VPS36: variants seen among roughly 807,000 people sequenced by gnomAD.
VPS36 encodes vacuolar protein-sorting-associated protein 36.
Under a neutral mutation model 63.5 loss-of-function variants are expected in VPS36, and 31 were observed. The ratio of observed to expected loss-of-function variants is 0.49; its 90% CI spans 0.37 to 0.66. The LOEUF is 0.66. VPS36 is among the 30% of genes least tolerant of loss of function. The probability of loss-of-function intolerance (pLI) is 0.00; values close to 1 mark genes in which losing one functional copy is unlikely to be tolerated. For synonymous variants in VPS36, 138 were observed against 157.2 expected (o/e 0.88, Z 0.91); for missense variants, 338 against 463.7 (o/e 0.73, Z 2.49).
chr13:52,444,823 A>T (rs1421196474), intron 1 of VPS36, among the ~76,000 whole-genome samples: 1 of 152,050 alleles, frequency 6.6e-6, no homozygotes, highest in Non-Finnish European at 1.5e-5. Context: ...CAACTTTGTT[A>T]CATGTCTAAT....
At position 52,415,881 on chromosome 13, in the gene VPS36, G is replaced by A. The variant is rs141956563; in HGVS notation, c.1110C>T (p.Asp370=). The part of the protein sequence containing the change: ...AEKMGHLCRD[D]SVEGLRFYPN... The stretch of plus-strand genomic sequence containing the variant: ...GGTAAAAACGCAGGCCTTCCACTGA[G>A]TCATCACGGCAAAGATGGCCCATCT... The change falls in exon 14 of 14, where the codon GAC becomes GAT. Residue 370 remains aspartate, a synonymous_variant. Coordinates refer to ENST00000378060, the MANE Select transcript of VPS36 (RefSeq NM_016075.4). 2 of 1,613,820 alleles carry A rather than the reference G, an allele frequency of 1.2e-6. No homozygotes were observed. Among genetic ancestry groups the A allele is most frequent in the African/African-American group, 2.7e-5 (2 of 74,834 alleles).
At chr13:52,431,781 A>T (rs889967792) in intron 6 of VPS36, among the ~76,000 whole-genome samples, 5 of 150,878 alleles carry the variant, frequency 3.3e-5, no homozygotes, top group Non-Finnish European at 7.4e-5. Flanking sequence ...AAAAAAAAAA[A>T]AGAAAGAAAG....
rs574052898 is a variant in VPS36 at position 52,418,552 on chromosome 13, C to T, written c.841-496G>A. Among the ~76,000 whole-genome samples, 264 of 112,854 alleles carry T rather than the reference C, an allele frequency of 2.3e-3. 1 individual carries two copies. Among genetic ancestry groups the T allele is most frequent in the African/African-American group, 8.4e-3 (239 of 28,610 alleles). The allele number at this position is 112,854 out of a possible 152,430, so 74.0% of individuals were successfully genotyped here. A position where few individuals can be genotyped will look rare whatever the true frequency, so the allele number is the denominator to read the frequency against. On this transcript the variant is annotated intron_variant, in intron 10 of 13. Transcript: ENST00000378060. ...ATCGCACCATGCATTCTAGCCTGGG[C>T]GATAGTGCGAGACTCCATCTCAAAA... is the stretch of plus-strand genomic sequence containing the variant.
intron 6 of VPS36, among the ~76,000 whole-genome samples, chr13:52,431,094 C>T (rs567933136): frequency 6.6e-6 from 1 of 152,130 alleles, no homozygotes; most frequent in South Asian, 2.1e-4. Context: ...CCACAGAGAG[C>T]TCAGCATAAG....
In VPS36 at chr13:52,416,132, T is replaced by G. The variant is rs781049589; in HGVS notation, c.991-39A>C. On this transcript the variant is annotated intron_variant, in intron 12 of 13. Transcript: ENST00000378060. The stretch of plus-strand genomic sequence containing the variant: ...ACAGCAGAAAAAAAATGTAATTAAT[T>G]TAGGACACTAATTTAAACACACTCT... The G allele has an allele frequency of 2.8e-5, 44 of 1,596,130 alleles. 2 individuals are homozygous for G. In the South Asian group the frequency reaches 4.9e-4, roughly 18 times the overall value.
intron 3 of VPS36, among the ~76,000 whole-genome samples, chr13:52,438,166 T>C (rs1009852311): frequency 6.6e-6 from 1 of 152,084 alleles, no homozygotes; most frequent in African/African-American, 2.4e-5. Context: ...TTAGATTTCC[T>C]TGGAACACAG....
At chr13:52,423,251 C>T (rs986906129) in intron 10 of VPS36, among the ~76,000 whole-genome samples, 3 of 152,068 alleles carry the variant, frequency 2.0e-5, no homozygotes, top group African/African-American at 7.2e-5. Context: ...TATAGTACCC[C>T]ATGAATATGT....
intron 2 of VPS36, among the ~76,000 whole-genome samples, chr13:52,439,602 C>A (rs541131487): frequency 6.6e-6 from 1 of 151,948 alleles, no homozygotes; most frequent in African/African-American, 2.4e-5. Context: ...CCCGCCACCA[C>A]GTCCGGCTAA....
At chr13:52,428,090 GTAGATA>G (rs1958122240) in intron 6 of VPS36, among the ~76,000 whole-genome samples, 1 of 152,130 alleles carries the variant, frequency 6.6e-6, no homozygotes, top group African/African-American at 2.4e-5. Flanking sequence ...CATTATGCTT[GTAGATA>G]TGGTGGCTAT....
chr13:52,450,446 C>A (rs1958390743), intron 1 of VPS36, 53 bp downstream of exon 1: 1 of 1,530,422 alleles, frequency 6.5e-7, no homozygotes. Context: ...GGGCCGCGCG[C>A]CCACCGGGGG....
In VPS36 at chr13:52,415,174, G is replaced by C. The variant is rs1435121600; in HGVS notation, c.*656C>G. The C allele has an allele frequency of 6.6e-6, 1 of 151,908 alleles. No individual in the cohort carries two copies. The highest frequency in any genetic ancestry group is 2.1e-4 in the South Asian group (1 of 4,818). 9.4% of individuals were successfully genotyped at this position (151,908 alleles called of 1,614,324 possible). Reference sequence around the variant, plus strand: ...CTGGGCATGTCTATACAGCTCTCTAGTTCAGTTTCAAAATCCACAGCATTT... The same window carrying C: ...CTGGGCATGTCTATACAGCTCTCTACTTCAGTTTCAAAATCCACAGCATTT... On this transcript the variant is annotated 3_prime_UTR_variant, in exon 14 of 14. Transcript: ENST00000378060.
rs115045668 is a variant in VPS36 at position 52,420,992 on chromosome 13, A to G, written c.840+2582T>C. Among the ~76,000 whole-genome samples the G allele has an allele frequency of 6.6e-3, 1,011 of 152,200 alleles. 5 individuals are homozygous for G. Among genetic ancestry groups the G allele is most frequent in the South Asian group, 0.014 (69 of 4,826 alleles). ...GAAAATTCTCCTGGTGTGGTGGCAC[A>G]CGGCTGTAATCCCAGCTACTTGAGA... On this transcript the variant is annotated intron_variant, in intron 10 of 13. Coordinates refer to ENST00000378060, the MANE Select transcript of VPS36 (RefSeq NM_016075.4).
intron 4 of VPS36, chr13:52,435,985 T>C (rs1958211130): frequency 4.2e-6 from 1 of 237,204 alleles, no homozygotes; most frequent in Admixed American, 5.0e-5. Context: ...TTCCTTTAAC[T>C]AAACTATACC....
At chr13:52,421,998 T>C (rs904389426) in intron 10 of VPS36, among the ~76,000 whole-genome samples, 3 of 152,170 alleles carry the variant, frequency 2.0e-5, no homozygotes, top group African/African-American at 4.8e-5. Flanking sequence ...TCCTCCCTTC[T>C]AGCTACTTTG....
Position 52,415,621 on chromosome 13 carries a change from C to T in VPS36, c.*209G>A. On this transcript the variant is annotated 3_prime_UTR_variant, in exon 14 of 14. Transcript: ENST00000378060. Reference sequence around the variant, plus strand: ...CTGCACTATAGCATGATTTTAAATTCATATTGGCATTCACTTTTCTGAATT... The same window carrying T: ...CTGCACTATAGCATGATTTTAAATTTATATTGGCATTCACTTTTCTGAATT... 3.8e-6 allele frequency: 2 copies of T among 532,706 alleles called. No individual in the cohort carries two copies. The highest frequency in any genetic ancestry group is 5.3e-5 in the South Asian group (2 of 37,954). The allele number at this position is 532,706 out of a possible 1,614,324, so 33.0% of individuals were successfully genotyped here. A position where few individuals can be genotyped will look rare whatever the true frequency, so the allele number is the denominator to read the frequency against.
intron 11 of VPS36, among the ~76,000 whole-genome samples, chr13:52,417,593 C>T (rs985408369): frequency 6.6e-6 from 1 of 152,200 alleles, no homozygotes; most frequent in African/African-American, 2.4e-5. Context: ...CTCCCGACCT[C>T]AGGTGATCTG....
Position 52,425,918 on chromosome 13 carries a change from G to C in VPS36, c.774+14C>G. On this transcript the variant is annotated intron_variant, in intron 9 of 13. Transcript: ENST00000378060. ...AACACAGTTTAAAAAAAAACACATA[G>C]GTTTAGTTTTTACCTCTAAAGGCAC... The C allele has an allele frequency of 6.2e-7, 1 of 1,604,560 alleles. No homozygotes were observed. Among genetic ancestry groups the C allele is most frequent in the African/African-American group, 1.3e-5 (1 of 74,442 alleles).
In VPS36 at chr13:52,421,045, C is replaced by T. The variant is rs140593416; in HGVS notation, c.840+2529G>A. ...CTGAAGCACAAGAATTGCTTGAACC[C>T]GGGAGGCAGAGGTTTCAGTGAGCCA... On this transcript the variant is annotated intron_variant, in intron 10 of 13. Coordinates refer to ENST00000378060, the MANE Select transcript of VPS36 (RefSeq NM_016075.4). Among the ~76,000 whole-genome samples the T allele has an allele frequency of 2.7e-3, 405 of 152,126 alleles. 1 individual carries two copies. Among genetic ancestry groups the T allele is most frequent in the African/African-American group, 9.1e-3 (378 of 41,498 alleles).
At chr13:52,445,531 C>A (rs923222537) in intron 1 of VPS36, among the ~76,000 whole-genome samples, 1 of 147,544 alleles carries the variant, frequency 6.8e-6, no homozygotes, top group Non-Finnish European at 1.5e-5. Context: ...CCCAGCTATT[C>A]CGGAGGCTGA....
Sources: gnomAD v4.1 joint callset for allele counts (sites outside exome capture counted in the v4.1 genomes callset) on GRCh38, gnomAD v4.1.1 for gene constraint, MANE v1.5 for transcripts, NCBI Gene and HGNC (gene_info 2026-07-23, HGNC 2026-07-21) for gene names.